PACSIN1: variants seen among roughly 807,000 people sequenced by gnomAD.
PACSIN1 encodes the protein protein kinase C and casein kinase substrate in neurons protein 1.
Under a neutral mutation model 59.5 loss-of-function variants are expected in PACSIN1, and 15 were observed. The ratio of observed to expected loss-of-function variants is 0.25; its 90% CI spans 0.17 to 0.39. The LOEUF is 0.39. Ranked by LOEUF, PACSIN1 falls within the 10% of genes least tolerant of loss-of-function variation. PACSIN1 has a pLI of 1.00. For synonymous variants in PACSIN1, 210 were observed against 220.6 expected (o/e 0.95, Z 0.42); for missense variants, 420 against 580.2 (o/e 0.72, Z 2.84).
chr6:34,525,180 G>A lies in PACSIN1; in HGVS notation c.-63-1063G>A, dbSNP rs191005402. Among the ~76,000 whole-genome samples the A allele has an allele frequency of 3.5e-4, 53 of 152,342 alleles. No individual in the cohort carries two copies. The highest frequency in any genetic ancestry group is 2.9e-3 in the Admixed American group (44 of 15,308). ...TCCCTCTCACCCACCCGCACTGTGC[G>A]TGAGTTTATGGGAAAGTCTGTCTGT... is the stretch of plus-strand genomic sequence containing the variant. On this transcript the variant is annotated intron_variant, in intron 1 of 9. Coordinates refer to ENST00000244458, the MANE Select transcript of PACSIN1 (RefSeq NM_020804.5). This position sits in a 1 kb window ranked among gnomAD's most constrained non-coding sequence, Gnocchi z 4.9.
chr6:34,526,143 C>A lies in PACSIN1; in HGVS notation c.-63-100C>A, dbSNP rs1767477400. The A allele has an allele frequency of 1.5e-5, 9 of 597,936 alleles. No homozygotes were observed. In the Admixed American group the frequency reaches 2.7e-4, roughly 18 times the overall value. 37.0% of individuals were successfully genotyped at this position (597,936 alleles called of 1,614,324 possible). On this transcript the variant is annotated intron_variant, in intron 1 of 9. Transcript: ENST00000244458. Reference sequence around the variant, plus strand: ...CAGGAAGATGGCATCCTAATGCAAGCCTCCCTGGGTCCCATCGGTTTGGGG... The same window carrying A: ...CAGGAAGATGGCATCCTAATGCAAGACTCCCTGGGTCCCATCGGTTTGGGG...
At chr6:34,468,719 G>C (rs992987594) in intron 1 of PACSIN1, among the ~76,000 whole-genome samples, 1 of 152,174 alleles carries the variant, frequency 6.6e-6, no homozygotes, top group East Asian at 1.9e-4. Flanking sequence ...TCCCCAGCTT[G>C]GGCTGGGAAC....
At chr6:34,528,915 G>GCCGGGGGGGGGGGGGGGGGGGC in intron 4 of PACSIN1, 38 bp downstream of exon 4, 8 of 653,162 alleles carry the variant, frequency 1.2e-5, no homozygotes, top group East Asian at 4.3e-5. Context: ...GGTGGGGTGG[G>GCCGGGGGGGGGGGGGGGGGGGC]CCCGTCTGAT....
intron 1 of PACSIN1, among the ~76,000 whole-genome samples, chr6:34,501,564 C>A (rs1295517056): frequency 1.3e-5 from 2 of 152,180 alleles, no homozygotes; most frequent in African/African-American, 4.8e-5. Context: ...GCTGTCAGCT[C>A]CCCCAGGATG....
At chr6:34,489,539 C>T (rs1766841961) in intron 1 of PACSIN1, among the ~76,000 whole-genome samples, 2 of 152,170 alleles carry the variant, frequency 1.3e-5, no homozygotes. Flanking sequence ...GTTTCAGAGG[C>T]TTCCAAGAGC....
At position 34,531,655 on chromosome 6, in the gene PACSIN1, A is replaced by C; in HGVS notation, c.1093A>C (p.Ser365Arg). 6.2e-7 allele frequency: 1 copy of C among 1,613,906 alleles called. No individual in the cohort carries two copies. Among genetic ancestry groups the C allele is most frequent in the Non-Finnish European group, 8.5e-7 (1 of 1,179,990 alleles). ...PYATEWSDDE[S>R]GNPFGGSETN... Reference sequence around the variant, plus strand: ...CGCCACCGAGTGGTCAGACGACGAGAGTGGGAACCCCTTTGGGGGCAGTGA... The same window carrying C: ...CGCCACCGAGTGGTCAGACGACGAGCGTGGGAACCCCTTTGGGGGCAGTGA... Residue 365 changes from serine (S) to arginine (R), a missense_variant, in exon 9 of 10, where the codon AGT becomes CGT. Transcript: ENST00000244458. The surrounding 1 kb of genome is among the most constrained non-coding windows in gnomAD (Gnocchi z 4.4).
At chr6:34,490,711 G>A (rs1011724052) in intron 1 of PACSIN1, among the ~76,000 whole-genome samples, 1 of 152,128 alleles carries the variant, frequency 6.6e-6, no homozygotes, top group Admixed American at 6.5e-5. Flanking sequence ...GTGCCTGCCC[G>A]GCCTTCCTGA....
At chr6:34,504,120 G>T (rs560019816) in intron 1 of PACSIN1, among the ~76,000 whole-genome samples, 1 of 152,046 alleles carries the variant, frequency 6.6e-6, no homozygotes, top group South Asian at 2.1e-4. Context: ...GCTGGTGTCA[G>T]TGTTTTACCA....
rs1766511858 is a variant in PACSIN1, at chr6:34,467,436, G to A, written c.-64+1166G>A. 2.6e-5 allele frequency among the ~76,000 whole-genome samples: 4 copies of A among 152,282 alleles called. No individual in the cohort carries two copies. The South Asian group carries it at 8.3e-4, about 32-fold the overall frequency. On this transcript the variant is annotated intron_variant, in intron 1 of 9. Coordinates refer to ENST00000244458, the MANE Select transcript of PACSIN1 (RefSeq NM_020804.5). ...ATTGAATGAGTGAATGTAAACTCTGGGAAATAGCTGGCAACCTGAGGGAGG... is the reference window on the plus strand; with the variant it reads ...ATTGAATGAGTGAATGTAAACTCTGAGAAATAGCTGGCAACCTGAGGGAGG...
chr6:34,486,186 C>T (rs1766791260), intron 1 of PACSIN1, among the ~76,000 whole-genome samples: 1 of 151,778 alleles, frequency 6.6e-6, no homozygotes, highest in Admixed American at 6.6e-5. Context: ...GCCTGGGAAC[C>T]CAGGGAGAGG....
chr6:34,507,580 T>C (rs1767134231), intron 1 of PACSIN1, among the ~76,000 whole-genome samples: 1 of 151,278 alleles, frequency 6.6e-6, no homozygotes, highest in African/African-American at 2.4e-5. Flanking sequence ...TAACATGAGA[T>C]CTACCCTTCT....
chr6:34,511,060 G>T (rs1300490854), intron 1 of PACSIN1, among the ~76,000 whole-genome samples: 1 of 152,172 alleles, frequency 6.6e-6, no homozygotes, highest in Non-Finnish European at 1.5e-5. Flanking sequence ...ACATATTTAT[G>T]ATGTGTCTCC....
intron 1 of PACSIN1, among the ~76,000 whole-genome samples, chr6:34,478,998 G>A (rs1766679029): frequency 2.0e-5 from 3 of 152,086 alleles, no homozygotes; most frequent in Admixed American, 1.3e-4. Flanking sequence ...AGAGACAGAC[G>A]AGAGGCTGGG....
At chr6:34,496,233 G>A (rs3904668) in intron 1 of PACSIN1, among the ~76,000 whole-genome samples, 70,714 of 152,080 alleles carry the variant, frequency 0.46, 17,398 homozygotes, top group Middle Eastern at 0.61. Flanking sequence ...TAATTGCTGC[G>A]GTAATTATGA....
At chr6:34,477,258 A>G (rs1246559245) in intron 1 of PACSIN1, among the ~76,000 whole-genome samples, 1 of 152,152 alleles carries the variant, frequency 6.6e-6, no homozygotes, top group African/African-American at 2.4e-5. Flanking sequence ...TGGGAGGCCA[A>G]AGCGGGAGGA....
chr6:34,503,304 C>T (rs1029194320), intron 1 of PACSIN1, among the ~76,000 whole-genome samples: 1 of 145,008 alleles, frequency 6.9e-6, no homozygotes, highest in African/African-American at 2.4e-5. Flanking sequence ...AAAAAAAAAG[C>T]CTGATTGAAA....
At position 34,518,614 on chromosome 6, in the gene PACSIN1, C is replaced by G. The variant is rs150013083; in HGVS notation, c.-63-7629C>G. Among the ~76,000 whole-genome samples, 1 of 152,306 alleles carries G rather than the reference C, an allele frequency of 6.6e-6. No individual in the cohort carries two copies. Among genetic ancestry groups the G allele is most frequent in the East Asian group, 1.9e-4 (1 of 5,180 alleles). ...TGCTTTACCAAGCAAGTTACCACTG[C>G]GGGCAATTCAGCTCACTCCCGCTGG... On this transcript the variant is annotated intron_variant, in intron 1 of 9. Coordinates refer to ENST00000244458, the MANE Select transcript of PACSIN1 (RefSeq NM_020804.5). The surrounding 1 kb of genome is among the most constrained non-coding windows in gnomAD (Gnocchi z 4.4).
rs141516472 is a variant in PACSIN1, at chr6:34,523,215, A to G, written c.-63-3028A>G. Among the ~76,000 whole-genome samples, 466 of 152,318 alleles carry G rather than the reference A, an allele frequency of 3.1e-3. 3 individuals are homozygous for G. Among genetic ancestry groups the G allele is most frequent in the African/African-American group, 0.01 (426 of 41,566 alleles). ...CGTTGTCTATTCATTGAGCTCCCAC[A>G]TGCAGTGCTGTGCACCGTGCATGGG... On this transcript the variant is annotated intron_variant, in intron 1 of 9. Transcript: ENST00000244458.
At chr6:34,501,657 A>T (rs1767025492) in intron 1 of PACSIN1, among the ~76,000 whole-genome samples, 1 of 152,174 alleles carries the variant, frequency 6.6e-6, no homozygotes, top group Non-Finnish European at 1.5e-5. Context: ...GTGGCGTGAT[A>T]AGATAGGACC....
Sources: gnomAD v4.1 joint callset for allele counts (sites outside exome capture counted in the v4.1 genomes callset) on GRCh38, gnomAD v4.1.1 for gene constraint, Gnocchi (gnomAD v3.1) non-coding constraint, MANE v1.5 for transcripts, NCBI Gene and HGNC (gene_info 2026-07-23, HGNC 2026-07-21) for gene names.